The following ADORA1 variants were observed in gnomAD, a reference collection of about 807,000 sequenced individuals.
ADORA1 encodes adenosine receptor A1.
A neutral mutation model predicts 19.9 loss-of-function variants in ADORA1; 6 were observed. The observed-to-expected ratio is 0.30, with a 90% CI of 0.17 to 0.59. The LOEUF is 0.59. Ranked by LOEUF, ADORA1 falls within the 20% of genes least tolerant of loss-of-function variation. ADORA1 has a pLI of 0.87. For missense variants in ADORA1, 302 were observed against 439.2 expected, an observed-to-expected ratio of 0.69 and a Z score of 2.79; for synonymous variants, 194 against 188.4, an observed-to-expected ratio of 1.03 and a Z score of -0.24.
Position 203,166,860 on chromosome 1 carries a change from C to A in ADORA1, c.*960C>A. On this transcript the variant is annotated 3_prime_UTR_variant, in exon 4 of 4. Transcript: ENST00000337894. ...GACATGCCAACTCGGGAGCATTCTG[C>A]CTGCCTGGGAACGGGGTGGACGAGG... is the stretch of plus-strand genomic sequence containing the variant. 6.5e-6 allele frequency: 1 copy of A among 153,526 alleles called. No homozygotes were observed. The highest frequency in any genetic ancestry group is 1.4e-5 in the Non-Finnish European group (1 of 69,008). The allele number at this position is 153,526 out of a possible 1,614,324, so 9.5% of individuals were successfully genotyped here. A position where few individuals can be genotyped will look rare whatever the true frequency, so the allele number is the denominator to read the frequency against.
At chr1:203,161,602 G>A (rs182171599) in intron 3 of ADORA1, among the ~76,000 whole-genome samples, 189 of 143,108 alleles carry the variant, frequency 1.3e-3, no homozygotes, top group Non-Finnish European at 2.4e-3. Context: ...ACAGATTTTC[G>A]CTCTTGTTGC....
chr1:203,162,964 G>A (rs1433411726), intron 3 of ADORA1, among the ~76,000 whole-genome samples: 1 of 152,228 alleles, frequency 6.6e-6, no homozygotes, highest in Non-Finnish European at 1.5e-5. Context: ...ACTCTCCGCT[G>A]TGTGGCTGCT....
intron 3 of ADORA1, among the ~76,000 whole-genome samples, chr1:203,143,963 C>A (rs1182937798): frequency 1.3e-5 from 2 of 152,168 alleles, no homozygotes; most frequent in Non-Finnish European, 2.9e-5. Context: ...CAGCGCCATA[C>A]CTCCTTCCAC....
intron 3 of ADORA1, among the ~76,000 whole-genome samples, chr1:203,135,060 TG>T (rs1654462061): frequency 1.3e-5 from 2 of 152,298 alleles, no homozygotes; most frequent in South Asian, 4.2e-4. Context: ...ACACTCAAGT[TG>T]GATCTCCTTC....
intron 3 of ADORA1, among the ~76,000 whole-genome samples, chr1:203,146,060 T>C (rs1249571964): frequency 2.0e-5 from 3 of 151,020 alleles, no homozygotes. Context: ...CCAGCTCCTC[T>C]GGGAGCCCAG....
chr1:203,158,343 G>A (rs1655258808), intron 3 of ADORA1, among the ~76,000 whole-genome samples: 1 of 152,152 alleles, frequency 6.6e-6, no homozygotes, highest in Non-Finnish European at 1.5e-5. Flanking sequence ...ATATAACAAG[G>A]ATGACCTTTA....
At chr1:203,154,074 C>T (rs1655118967) in intron 3 of ADORA1, among the ~76,000 whole-genome samples, 1 of 152,204 alleles carries the variant, frequency 6.6e-6, no homozygotes. Flanking sequence ...CCTCCCTGCT[C>T]CCATGTCCAG....
intron 3 of ADORA1, among the ~76,000 whole-genome samples, chr1:203,140,265 A>C (rs75388784): frequency 0.01 from 1,558 of 152,240 alleles, 25 homozygotes; most frequent in African/African-American, 0.035. Flanking sequence ...GGCTTGAGGC[A>C]GGCAGGGAGT....
intron 3 of ADORA1, among the ~76,000 whole-genome samples, chr1:203,154,410 C>A (rs2102758609): frequency 6.6e-6 from 1 of 152,212 alleles, no homozygotes; most frequent in African/African-American, 2.4e-5. Flanking sequence ...GGGCCTTATA[C>A]CAGGAATTGG....
intron 3 of ADORA1, among the ~76,000 whole-genome samples, chr1:203,158,163 C>T (rs1450455340): frequency 6.7e-6 from 1 of 149,984 alleles, no homozygotes; most frequent in African/African-American, 2.4e-5. Flanking sequence ...TTTAAATCAT[C>T]TCTGTCTTCC....
At chr1:203,132,576 C>T (rs1004282634) in intron 3 of ADORA1, among the ~76,000 whole-genome samples, 2 of 152,190 alleles carry the variant, frequency 1.3e-5, no homozygotes, top group African/African-American at 4.8e-5. Context: ...GGCATGGTGG[C>T]TCATGCCTGT....
intron 3 of ADORA1, among the ~76,000 whole-genome samples, chr1:203,133,233 C>G (rs901336316): frequency 6.6e-6 from 1 of 152,054 alleles, no homozygotes; most frequent in Non-Finnish European, 1.5e-5. Flanking sequence ...CCTGCCTCAG[C>G]CTCCTGAGTA....
intron 3 of ADORA1, chr1:203,152,507 A>G (rs919702035): frequency 6.6e-6 from 1 of 152,302 alleles, no homozygotes; most frequent in Non-Finnish European, 1.5e-5. Flanking sequence ...CCCTTTTAGC[A>G]CCCTGGCCAT....
intron 3 of ADORA1, among the ~76,000 whole-genome samples, chr1:203,137,795 T>A (rs537130227): frequency 6.6e-6 from 1 of 152,314 alleles, no homozygotes; most frequent in African/African-American, 2.4e-5. Flanking sequence ...CAGCATTGTA[T>A]GGGGCTCCCT....
chr1:203,134,275 G>T (rs148220437), intron 3 of ADORA1, among the ~76,000 whole-genome samples: 1 of 152,160 alleles, frequency 6.6e-6, no homozygotes, highest in African/African-American at 2.4e-5. Flanking sequence ...GCAGTCACCC[G>T]CCCCTCAAGG....
rs552721366 is a variant in ADORA1 at position 203,128,069 on chromosome 1, T to C, written c.-213+141T>C. 3.3e-6 allele frequency: 1 copy of C among 300,934 alleles called. No individual in the cohort carries two copies. Among genetic ancestry groups the C allele is most frequent in the Admixed American group, 4.5e-5 (1 of 22,406 alleles). 18.6% of individuals were successfully genotyped at this position (300,934 alleles called of 1,614,324 possible). On this transcript the variant is annotated intron_variant, in intron 1 of 3. Transcript: ENST00000337894. The surrounding 1 kb of genome is among the most constrained non-coding windows in gnomAD (Gnocchi z 5.9). Reference sequence around the variant, plus strand: ...AGCTGGAACGGGACCAGAGGACTGCTAAGATCCAGGCACCAGACGGGTCTC... The same window carrying C: ...AGCTGGAACGGGACCAGAGGACTGCCAAGATCCAGGCACCAGACGGGTCTC...
intron 3 of ADORA1, among the ~76,000 whole-genome samples, chr1:203,139,556 A>G (rs1025656477): frequency 9.2e-5 from 14 of 152,018 alleles, no homozygotes; most frequent in Middle Eastern, 3.4e-3. Context: ...TTGAAGTGCA[A>G]CTCAGCAGTG....
In ADORA1 at chr1:203,128,982, C is replaced by T. The variant is rs748117731; in HGVS notation, c.141C>T (p.Phe47=). 4 of 1,614,186 alleles carry T rather than the reference C, an allele frequency of 2.5e-6. No individual in the cohort carries two copies. In the South Asian group the frequency reaches 4.4e-5, roughly 18 times the overall value. The part of the protein sequence containing the change: ...NQALRDATFC[F]IVSLAVADVA... ...CGCTGCGGGATGCCACCTTCTGCTT[C>T]ATCGTGTCGCTGGCGGTGGCTGATG... Residue 47 remains phenylalanine (F), a synonymous_variant, in exon 3 of 4, where the codon TTC becomes TTT. Transcript: ENST00000337894. The surrounding 1 kb of genome is among the most constrained non-coding windows in gnomAD (Gnocchi z 5.9).
chr1:203,158,633 T>C (rs557314360), intron 3 of ADORA1, among the ~76,000 whole-genome samples: 1 of 152,340 alleles, frequency 6.6e-6, no homozygotes, highest in Non-Finnish European at 1.5e-5. Flanking sequence ...CAGGTATTTG[T>C]TAGAGCAACA....
Sources: allele counts gnomAD v4.1 joint callset (sites outside exome capture counted in the v4.1 genomes callset), GRCh38; gene constraint gnomAD v4.1.1; non-coding constraint Gnocchi (gnomAD v3.1); transcripts MANE v1.5; gene names NCBI Gene and HGNC (gene_info 2026-07-23, HGNC 2026-07-21).